KCNIP4: variants seen among roughly 807,000 people sequenced by gnomAD.
KCNIP4 encodes the protein Kv channel-interacting protein 4.
In KCNIP4, 12 loss-of-function variants were observed where a neutral mutation model predicts 34.0. The ratio of observed to expected loss-of-function variants is 0.35; its 90% CI spans 0.23 to 0.57. The LOEUF (loss-of-function observed/expected upper bound fraction) is 0.57, where lower values mean the gene tolerates loss of function less well. Ranked by LOEUF, KCNIP4 falls within the 20% of genes least tolerant of loss-of-function variation. The pLI, the probability that KCNIP4 is intolerant of heterozygous loss-of-function variation, is 0.83. For synonymous variants in KCNIP4, 124 were observed against 102.2 expected (o/e 1.21, Z -1.29); for missense variants, 238 against 311.7 (o/e 0.76, Z 1.78).
chr4:21,614,502 AAT>A (rs1744431323), intron 1 of KCNIP4, among the ~76,000 whole-genome samples: 1 of 148,344 alleles, frequency 6.7e-6, no homozygotes, highest in African/African-American at 2.4e-5. Flanking sequence ...TTATATATAT[AAT>A]ATATATAGCT....
chr4:21,025,717 C>G (rs1740504921), intron 1 of KCNIP4, among the ~76,000 whole-genome samples: 1 of 151,718 alleles, frequency 6.6e-6, no homozygotes, highest in African/African-American at 2.4e-5. Context: ...CCACGCCCGG[C>G]TAATTTTTTT....
At chr4:20,815,414 T>G (rs552633467) in intron 3 of KCNIP4, among the ~76,000 whole-genome samples, 1 of 152,244 alleles carries the variant, frequency 6.6e-6, no homozygotes, top group East Asian at 1.9e-4. Flanking sequence ...GTGTCCCATG[T>G]TATTACTCAG....
intron 1 of KCNIP4, among the ~76,000 whole-genome samples, chr4:21,944,620 G>A (rs1252050589): frequency 7.3e-5 from 11 of 151,306 alleles, no homozygotes; most frequent in Non-Finnish European, 1.0e-4. Context: ...ATAATTCAGT[G>A]CAAGTGGGAA....
At chr4:21,350,762 G>A (rs981585778) in intron 1 of KCNIP4, among the ~76,000 whole-genome samples, 1 of 152,162 alleles carries the variant, frequency 6.6e-6, no homozygotes, top group South Asian at 2.1e-4. Flanking sequence ...ATCCCTAAAT[G>A]TGTGTAACAT....
intron 1 of KCNIP4, among the ~76,000 whole-genome samples, chr4:21,017,424 A>G (rs1457291170): frequency 6.6e-6 from 1 of 152,096 alleles, no homozygotes; most frequent in Non-Finnish European, 1.5e-5. Context: ...TCTCACTTAT[A>G]AGTGAGAACA....
At chr4:21,370,846 TATATACACACAC>T (rs1720339064) in intron 1 of KCNIP4, among the ~76,000 whole-genome samples, 6 of 24,500 alleles carry the variant, frequency 2.4e-4, no homozygotes, top group African/African-American at 8.0e-4. Flanking sequence ...TATATATATA[TATATACACACAC>T]ACACACACAC....
Position 21,241,046 on chromosome 4 carries a change from C to A in KCNIP4, c.62-358337G>T, listed in dbSNP as rs546099194. On this transcript the variant is annotated intron_variant, in intron 1 of 8. Coordinates refer to ENST00000382152, the MANE Select transcript of KCNIP4 (RefSeq NM_025221.6). ...TTAATATATATCCTTATTTTGAGTGCTTATATACTGGCATACTACAGAGTC... is the reference window on the plus strand; with the variant it reads ...TTAATATATATCCTTATTTTGAGTGATTATATACTGGCATACTACAGAGTC... Among the ~76,000 whole-genome samples the A allele has an allele frequency of 7.1e-4, 108 of 151,840 alleles. 1 individual carries two copies. Among genetic ancestry groups the A allele is most frequent in the Middle Eastern group, 3.2e-3 (1 of 314 alleles).
chr4:20,786,036 G>A (rs1051080052), intron 3 of KCNIP4, among the ~76,000 whole-genome samples: 2 of 152,000 alleles, frequency 1.3e-5, no homozygotes, highest in South Asian at 2.1e-4. Context: ...TAGCAAAGAC[G>A]TGGAATCAAC....
At chr4:21,306,187 C>T (rs1712444823) in intron 1 of KCNIP4, among the ~76,000 whole-genome samples, 1 of 152,188 alleles carries the variant, frequency 6.6e-6, no homozygotes, top group Non-Finnish European at 1.5e-5. Context: ...GTAGCAGGCT[C>T]AAGGTCACAC....
chr4:20,816,749 G>A (rs952183412), intron 3 of KCNIP4, among the ~76,000 whole-genome samples: 3 of 152,178 alleles, frequency 2.0e-5, no homozygotes, highest in African/African-American at 7.2e-5. Context: ...TGAAAGAACC[G>A]TGGAGGTTGT....
intron 1 of KCNIP4, among the ~76,000 whole-genome samples, chr4:21,930,609 G>C (rs1430995470): frequency 6.6e-6 from 1 of 151,996 alleles, no homozygotes; most frequent in Non-Finnish European, 1.5e-5. Flanking sequence ...CCTGACTATG[G>C]CTCGATTTTT....
At chr4:21,859,611 G>C (rs1227767778) in intron 1 of KCNIP4, among the ~76,000 whole-genome samples, 1 of 144,264 alleles carries the variant, frequency 6.9e-6, no homozygotes, top group Non-Finnish European at 1.5e-5. Context: ...CTGGGCGACA[G>C]AGCAAGACTC....
intron 1 of KCNIP4, among the ~76,000 whole-genome samples, chr4:21,136,158 G>A (rs895949716): frequency 1.1e-4 from 16 of 152,066 alleles, no homozygotes; most frequent in Non-Finnish European, 1.6e-4. Context: ...AAATGTTTCC[G>A]GATGCTTGCC....
chr4:21,814,243 C>T (rs1329460127), intron 1 of KCNIP4, among the ~76,000 whole-genome samples: 1 of 152,118 alleles, frequency 6.6e-6, no homozygotes, highest in African/African-American at 2.4e-5. Flanking sequence ...AGCAAAAATA[C>T]TAACCTAAAA....
intron 1 of KCNIP4, among the ~76,000 whole-genome samples, chr4:21,153,647 A>G (rs1434134896): frequency 2.0e-5 from 3 of 151,966 alleles, no homozygotes; most frequent in African/African-American, 4.8e-5. Flanking sequence ...TGCAAATCAT[A>G]AATCCATCTA....
intron 1 of KCNIP4, among the ~76,000 whole-genome samples, chr4:21,093,075 G>T (rs371755616): frequency 6.6e-6 from 1 of 152,178 alleles, no homozygotes; most frequent in Non-Finnish European, 1.5e-5. Flanking sequence ...TCAAAAGTTT[G>T]TCCTTGCACA....
intron 1 of KCNIP4, among the ~76,000 whole-genome samples, chr4:21,481,862 T>C (rs13122564): frequency 0.12 from 19,001 of 152,204 alleles, 1,348 homozygotes; most frequent in South Asian, 0.21. Context: ...ATTACATTTA[T>C]AATATTAGGG....
At chr4:21,169,741 G>A (rs1753883180) in intron 1 of KCNIP4, among the ~76,000 whole-genome samples, 1 of 150,214 alleles carries the variant, frequency 6.7e-6, no homozygotes, top group African/African-American at 2.4e-5. Context: ...CTTCTGATAT[G>A]AGAACCTGGG....
chr4:21,270,227 C>T (rs773726347), intron 1 of KCNIP4, among the ~76,000 whole-genome samples: 10 of 152,246 alleles, frequency 6.6e-5, no homozygotes, highest in Admixed American at 3.9e-4. Flanking sequence ...AACACTTACA[C>T]GGAAATCCAG....
Sources: allele counts gnomAD v4.1 joint callset (sites outside exome capture counted in the v4.1 genomes callset), GRCh38; gene constraint gnomAD v4.1.1; transcripts MANE v1.5; gene names NCBI Gene and HGNC (gene_info 2026-07-23, HGNC 2026-07-21).